The following LRRC37B variants were observed in gnomAD, a reference collection of about 807,000 sequenced individuals.
The protein encoded by LRRC37B is leucine-rich repeat-containing protein 37B.
In LRRC37B, 28 loss-of-function variants were observed where a neutral mutation model predicts 98.3. The observed-to-expected ratio is 0.28, with a 90% CI of 0.21 to 0.39. The LOEUF (loss-of-function observed/expected upper bound fraction) is 0.39, where lower values mean the gene tolerates loss of function less well. LRRC37B is among the 10% of genes least tolerant of loss of function. The pLI, the probability that LRRC37B is intolerant of heterozygous loss-of-function variation, is 1.00. For synonymous variants in LRRC37B, 364 were observed against 442.7 expected, an observed-to-expected ratio of 0.82 and a Z score of 2.23; for missense variants, 938 against 1,182.7, an observed-to-expected ratio of 0.79 and a Z score of 3.03.
At chr17:32,031,435 C>T (rs758178947) in exon 5 of LRRC37B, 5 of 1,608,208 alleles carry the variant, frequency 3.1e-6, no homozygotes, top group Non-Finnish European at 3.4e-6. Context: ...AGGCCTGGCA[C>T]GGAATGCAGT....
At chr17:32,045,518 T>C (rs1168673483) in intron 7 of LRRC37B, 182 bp from the exon 11 acceptor site, 4 of 612,198 alleles carry the variant, frequency 6.5e-6, no homozygotes, top group Non-Finnish European at 1.2e-5. Flanking sequence ...CTGCCATGCT[T>C]ACCCTTCAGT....
chr17:32,026,740 T>C (rs1910966588), intron 2 of LRRC37B, among the ~76,000 whole-genome samples: 1 of 152,212 alleles, frequency 6.6e-6, no homozygotes, highest in African/African-American at 2.4e-5. Context: ...GGACTACATT[T>C]TAAAAGCAAG....
chr17:32,041,696 GGCTTATCTGGGTGGGTGGGGAC>G (rs1911440504), intron 7 of LRRC37B: 3 of 458,254 alleles, frequency 6.5e-6, no homozygotes, highest in Non-Finnish European at 1.3e-5. Flanking sequence ...TTGGGTGGGA[GGCTTATCTGGGTGGGTGGGGAC>G]GCTTGTTTAA....
intron 2 of LRRC37B, among the ~76,000 whole-genome samples, chr17:32,026,710 T>C (rs1465337050): frequency 3.9e-5 from 6 of 152,192 alleles, no homozygotes; most frequent in Non-Finnish European, 8.8e-5. Context: ...ATTACAGGCA[T>C]GAGCCACCAG....
chr17:32,031,654 T>C (rs980316139), intron 5 of LRRC37B, among the ~76,000 whole-genome samples, 196 bp downstream of exon 8: 2 of 152,020 alleles, frequency 1.3e-5, no homozygotes, highest in Non-Finnish European at 2.9e-5. Flanking sequence ...CCTGCTCTGC[T>C]TGTCCTAGTT....
chr17:32,037,971 C>T (rs1425636010), intron 7 of LRRC37B, among the ~76,000 whole-genome samples: 1 of 152,052 alleles, frequency 6.6e-6, no homozygotes, highest in African/African-American at 2.4e-5. Flanking sequence ...CACAAACACA[C>T]ACACAATTAG....
In LRRC37B at chr17:32,053,447, G is replaced by A. The variant is rs2142266188; in HGVS notation, c.*119G>A. ...ACTTTGTGGTTGTGTTCCTCAAAAT[G>A]AGAATTTTTAACAATAATAAAAATA... On this transcript the variant is annotated 3_prime_UTR_variant, in exon 12 of 12. Coordinates refer to ENST00000327564, the Ensembl canonical transcript of LRRC37B. 4 of 656,566 alleles carry A rather than the reference G, an allele frequency of 6.1e-6. No homozygotes were observed. The Admixed American group carries it at 1.4e-4, about 23-fold the overall frequency. The allele number at this position is 656,566 out of a possible 1,614,324, so 40.7% of individuals were successfully genotyped here. A position where few individuals can be genotyped will look rare whatever the true frequency, so the allele number is the denominator to read the frequency against.
Position 32,012,631 on chromosome 17 carries a change from A to G in LRRC37B, c.-191+4499A>G, listed in dbSNP as rs58291723. On this transcript the variant is annotated intron_variant, in intron 1 of 14. Transcript: ENST00000543378. ...CTTAGAAGGTTGAGGCAAGAGAATC[A>G]CTGGAATCCAGGTGGTGGATATTGC... Among the ~76,000 whole-genome samples, 767 of 152,252 alleles carry G rather than the reference A, an allele frequency of 5.0e-3. 5 individuals are homozygous for G. The highest frequency in any genetic ancestry group is 0.017 in the African/African-American group (710 of 41,522).
upstream of LRRC37B, among the ~76,000 whole-genome samples, chr17:32,019,295 A>G (rs1446434090): frequency 6.6e-6 from 1 of 152,182 alleles, no homozygotes. Context: ...AATACCTGCC[A>G]TTGTGTTACA....
At chr17:32,043,318 T>C (rs1236218921) in intron 7 of LRRC37B, among the ~76,000 whole-genome samples, 3 of 152,200 alleles carry the variant, frequency 2.0e-5, no homozygotes, top group African/African-American at 7.2e-5. Flanking sequence ...CCCAGCACTT[T>C]GGGAGGCCAA....
chr17:32,051,698 C>T (rs1598216626), intron 11 of LRRC37B: 2 of 152,070 alleles, frequency 1.3e-5, no homozygotes, highest in East Asian at 3.9e-4. Context: ...GAGACCTTGT[C>T]TCAAAAACAG....
intron 5 of LRRC37B, among the ~76,000 whole-genome samples, chr17:32,033,143 G>A (rs939618605): frequency 2.6e-5 from 4 of 152,254 alleles, no homozygotes; most frequent in African/African-American, 4.8e-5. Flanking sequence ...AAGCCTGGGC[G>A]ACAGAGCAAG....
chr17:32,015,349 AT>A (rs1193232770), intron 1 of LRRC37B, among the ~76,000 whole-genome samples: 3 of 152,214 alleles, frequency 2.0e-5, no homozygotes, highest in Non-Finnish European at 4.4e-5. Context: ...TGCATCACAG[AT>A]TATTCCTTCT....
chr17:32,046,166 T>C (rs1414438452), intron 8 of LRRC37B, among the ~76,000 whole-genome samples: 1 of 152,270 alleles, frequency 6.6e-6, no homozygotes, highest in Non-Finnish European at 1.5e-5. Flanking sequence ...GTTTGTAAGC[T>C]GGTTTTATAT....
chr17:32,046,599 C>CTTTTTTTTTTTTTT (rs796570580), intron 8 of LRRC37B, among the ~76,000 whole-genome samples: 8 of 132,856 alleles, frequency 6.0e-5, no homozygotes, highest in East Asian at 2.2e-4. Context: ...TTCTTTTTTT[C>CTTTTTTTTTTTTTT]TTTTTTTTTT....
intron 9 of LRRC37B, among the ~76,000 whole-genome samples, chr17:32,048,806 G>C (rs1220085766): frequency 6.6e-6 from 1 of 152,202 alleles, no homozygotes; most frequent in African/African-American, 2.4e-5. Context: ...ATCCTTAGGA[G>C]ACCTGAGTCC....
At chr17:32,042,772 G>A (rs1280856659) in intron 7 of LRRC37B, 5 of 151,842 alleles carry the variant, frequency 3.3e-5, no homozygotes, top group African/African-American at 4.9e-5. Context: ...CCTTGGGCAC[G>A]GTTCAGGGCA....
rs763977143 is a variant in LRRC37B at position 32,049,991 on chromosome 17, T to TC, written c.2758-11dup. 9 of 1,415,378 alleles carry TC rather than the reference T, an allele frequency of 6.4e-6. No homozygotes were observed. Among genetic ancestry groups the TC allele is most frequent in the Non-Finnish European group, 6.8e-6 (7 of 1,036,592 alleles). The allele number at this position is 1,415,378 out of a possible 1,614,324, so 87.7% of individuals were successfully genotyped here. Reference sequence around the variant, plus strand: ...TGTTCTTTCTTTTTTCTTTTTTTTTTCTTTTTTTTAGCTCATGAAAGAAGT... The same window carrying TC: ...TGTTCTTTCTTTTTTCTTTTTTTTTTCCTTTTTTTTAGCTCATGAAAGAAGT... On this transcript the variant is annotated splice_polypyrimidine_tract_variant and intron_variant, in intron 10 of 11. Transcript: ENST00000327564.
chr17:32,031,457 T>C (rs1467157062), exon 5 of LRRC37B: 48 of 1,590,270 alleles, frequency 3.0e-5, no homozygotes, highest in Non-Finnish European at 3.8e-5. Flanking sequence ...TTTACACAAC[T>C]TGTAAGTGAA....
Sources: gnomAD v4.1 joint callset for allele counts (sites outside exome capture counted in the v4.1 genomes callset) on GRCh38, gnomAD v4.1.1 for gene constraint, MANE v1.5 for transcripts, NCBI Gene and HGNC (gene_info 2026-07-23, HGNC 2026-07-21) for gene names.